The following CLVS1 variants were observed in gnomAD, a reference collection of about 807,000 sequenced individuals.
The protein encoded by CLVS1 is clavesin 1, also known as clavesin-1.
CLVS1 carries 10 observed loss-of-function variants against 33.1 expected under a neutral mutation model. That is an observed-to-expected ratio of 0.30 (90% CI 0.19 to 0.51). The LOEUF is 0.51. Among genes scored for constraint, CLVS1 ranks in the 20% least tolerant of loss-of-function variants. The pLI is 0.97. For synonymous variants in CLVS1, 163 were observed against 166.1 expected, an observed-to-expected ratio of 0.98 and a Z score of 0.14; for missense variants, 343 against 433.4, an observed-to-expected ratio of 0.79 and a Z score of 1.85.
the CLVS1 span, among the ~76,000 whole-genome samples, chr8:61,041,299 G>T: frequency 6.6e-6 from 1 of 151,886 alleles, no homozygotes; most frequent in Non-Finnish European, 1.5e-5. Flanking sequence ...GGATTGCCTT[G>T]GTTATTCAGG....
intron 2 of CLVS1, among the ~76,000 whole-genome samples, chr8:61,263,523 C>A (rs1809248466): frequency 1.3e-5 from 2 of 152,138 alleles, no homozygotes; most frequent in South Asian, 4.2e-4. Flanking sequence ...TATTTATAAT[C>A]CATGATGTAC....
intron 5 of CLVS1, among the ~76,000 whole-genome samples, chr8:61,469,342 A>G (rs2129607656): frequency 6.6e-6 from 1 of 152,238 alleles, no homozygotes; most frequent in Middle Eastern, 3.4e-3. Flanking sequence ...AAATACCTTC[A>G]TCCTTATGTT....
chr8:61,287,038 T>A (rs573318507), upstream of CLVS1, among the ~76,000 whole-genome samples: 34 of 152,250 alleles, frequency 2.2e-4, no homozygotes, highest in Non-Finnish European at 4.9e-4. Context: ...TACACATAAA[T>A]CTTTGCATAT....
chr8:61,254,451 A>T (rs1195197492), intron 2 of CLVS1, among the ~76,000 whole-genome samples: 1 of 152,214 alleles, frequency 6.6e-6, no homozygotes, highest in African/African-American at 2.4e-5. Context: ...CAAAGCTGTC[A>T]GACAGGGACA....
the CLVS1 span, among the ~76,000 whole-genome samples, chr8:61,000,736 G>A: frequency 6.6e-6 from 1 of 152,198 alleles, no homozygotes; most frequent in East Asian, 1.9e-4. Flanking sequence ...AGTCAAGCCA[G>A]GGGTCAGGTT....
chr8:61,471,754 G>A (rs1052052868), intron 5 of CLVS1, among the ~76,000 whole-genome samples: 3 of 152,338 alleles, frequency 2.0e-5, no homozygotes, highest in African/African-American at 7.2e-5. Flanking sequence ...GTCTGAGCCT[G>A]CCCCCTGGCC....
intron 2 of CLVS1, among the ~76,000 whole-genome samples, chr8:61,322,268 C>T (rs1811219558): frequency 6.6e-6 from 1 of 152,128 alleles, no homozygotes; most frequent in South Asian, 2.1e-4. Context: ...ATATTCATTA[C>T]AGGCATGTAG....
At chr8:61,030,584 T>C in the CLVS1 span, among the ~76,000 whole-genome samples, 1 of 152,196 alleles carries the variant, frequency 6.6e-6, no homozygotes, top group Non-Finnish European at 1.5e-5. Context: ...TAATAGATGA[T>C]TGTGACATTG....
In CLVS1 at chr8:61,105,759, G is replaced by C. The variant is rs144808182; in HGVS notation, c.-242-26011G>C. Among the ~76,000 whole-genome samples, 853 of 146,988 alleles carry C rather than the reference G, an allele frequency of 5.8e-3. 4 individuals carry two copies. Among genetic ancestry groups the C allele is most frequent in the African/African-American group, 0.019 (755 of 40,152 alleles). On this transcript the variant is annotated intron_variant, in intron 1 of 2. Coordinates refer to the CLVS1 transcript ENST00000522621. ...AATCATGTTAGGGTAGGAGGTCTCT[G>C]AACATTTTTTTTTTTTACTTTAAAA...
intron 3 of CLVS1, among the ~76,000 whole-genome samples, chr8:61,416,741 C>T (rs768290515): frequency 6.6e-6 from 1 of 152,184 alleles, no homozygotes; most frequent in African/African-American, 2.4e-5. Context: ...AAGGGGTAAC[C>T]TGAGCAACCA....
At chr8:61,388,657 T>C (rs1259584369) in intron 3 of CLVS1, among the ~76,000 whole-genome samples, 2 of 152,100 alleles carry the variant, frequency 1.3e-5, no homozygotes, top group Admixed American at 6.6e-5. Flanking sequence ...TGACACATAG[T>C]AATTATAAAT....
intron 2 of CLVS1, among the ~76,000 whole-genome samples, chr8:61,209,858 G>A (rs988601692): frequency 2.0e-4 from 31 of 152,180 alleles, no homozygotes; most frequent in African/African-American, 7.5e-4. Context: ...GGGATTGGGG[G>A]AGTAACTCAT....
At chr8:61,021,605 A>T in the CLVS1 span, among the ~76,000 whole-genome samples, 2 of 150,898 alleles carry the variant, frequency 1.3e-5, no homozygotes, top group Non-Finnish European at 2.9e-5. Context: ...CAGGTGATCC[A>T]CCTGCCTTCG....
chr8:61,238,762 C>T (rs1295173838), intron 2 of CLVS1, among the ~76,000 whole-genome samples: 1 of 152,126 alleles, frequency 6.6e-6, no homozygotes, highest in African/African-American at 2.4e-5. Context: ...AAGAAGATTC[C>T]ATCAAATGAA....
At chr8:61,333,436 G>T (rs763324001) in intron 2 of CLVS1, among the ~76,000 whole-genome samples, 5 of 152,130 alleles carry the variant, frequency 3.3e-5, no homozygotes, top group Admixed American at 6.5e-5. Context: ...ACTGCAGCCT[G>T]CAGGAAAAAT....
At chr8:61,035,845 T>C in the CLVS1 span, among the ~76,000 whole-genome samples, 19 of 152,220 alleles carry the variant, frequency 1.2e-4, 2 homozygotes, top group East Asian at 3.8e-4. Context: ...AACATTATCC[T>C]GACATACAAA....
intron 2 of CLVS1, among the ~76,000 whole-genome samples, chr8:61,195,495 T>C (rs1356468487): frequency 1.3e-5 from 2 of 151,978 alleles, no homozygotes; most frequent in Admixed American, 1.3e-4. Context: ...TTTGTAGTCC[T>C]GGCTTTTTTT....
chr8:61,277,294 G>A (rs1809577280), intron 2 of CLVS1, among the ~76,000 whole-genome samples: 1 of 152,116 alleles, frequency 6.6e-6, no homozygotes, highest in African/African-American at 2.4e-5. Flanking sequence ...ATGTTCCAAG[G>A]ACCAGGATGC....
At chr8:61,083,573 T>G (rs988265601) in intron 1 of CLVS1, among the ~76,000 whole-genome samples, 5 of 152,012 alleles carry the variant, frequency 3.3e-5, no homozygotes, top group Admixed American at 1.3e-4. Context: ...AATAGGAGCC[T>G]TAGGGAGATT....
Sources: allele counts gnomAD v4.1 joint callset (sites outside exome capture counted in the v4.1 genomes callset), GRCh38; gene constraint gnomAD v4.1.1; transcripts MANE v1.5; gene names NCBI Gene and HGNC (gene_info 2026-07-23, HGNC 2026-07-21).